The following UNC13C variants were observed in gnomAD, a reference collection of about 807,000 sequenced individuals.
UNC13C encodes the protein protein unc-13 homolog C.
Under a neutral mutation model 245.4 loss-of-function variants are expected in UNC13C, and 174 were observed. The ratio of observed to expected loss-of-function variants is 0.71; its 90% CI spans 0.63 to 0.80. The LOEUF (loss-of-function observed/expected upper bound fraction) is 0.80. Ranked by LOEUF, UNC13C falls within the 30% of genes least tolerant of loss-of-function variation. UNC13C has a pLI of 0.00. For synonymous variants in UNC13C, 992 were observed against 895.1 expected, an observed-to-expected ratio of 1.11 and a Z score of -1.93; for missense variants, 2,829 against 2,602.9, an observed-to-expected ratio of 1.09 and a Z score of -1.89.
chr15:54,211,444 A>G (rs2034874510), intron 4 of UNC13C, among the ~76,000 whole-genome samples: 1 of 151,984 alleles, frequency 6.6e-6, no homozygotes, highest in Non-Finnish European at 1.5e-5. Context: ...TTCAAGTAGG[A>G]AAAAAAAGTC....
intron 2 of UNC13C, among the ~76,000 whole-genome samples, chr15:54,099,958 G>A (rs975678153): frequency 6.6e-6 from 1 of 151,976 alleles, no homozygotes; most frequent in East Asian, 1.9e-4. Context: ...AAATTAGCCA[G>A]GTGTGGTGGT....
At chr15:54,040,067 T>G (rs1896749087) in intron 2 of UNC13C, among the ~76,000 whole-genome samples, 1 of 151,830 alleles carries the variant, frequency 6.6e-6, no homozygotes, top group Middle Eastern at 3.4e-3. Flanking sequence ...CCTCATTACC[T>G]CTCCAAGCTC....
intron 13 of UNC13C, among the ~76,000 whole-genome samples, chr15:54,303,440 C>A (rs2037639932): frequency 6.6e-6 from 1 of 151,956 alleles, no homozygotes; most frequent in African/African-American, 2.4e-5. Context: ...TCTCTGGGAG[C>A]TGATGTTAGA....
At chr15:53,989,640 C>T (rs1418265989) in intron 1 of UNC13C, among the ~76,000 whole-genome samples, 8 of 151,862 alleles carry the variant, frequency 5.3e-5, no homozygotes, top group Admixed American at 2.0e-4. Flanking sequence ...GCAAGTTAAC[C>T]GTAATTTTAA....
chr15:54,430,900 T>C (rs2140974623), intron 19 of UNC13C, among the ~76,000 whole-genome samples: 1 of 151,832 alleles, frequency 6.6e-6, no homozygotes, highest in African/African-American at 2.4e-5. Flanking sequence ...TGAACAAATC[T>C]TGCCTCCTTA....
At position 54,162,298 on chromosome 15, in the gene UNC13C, T is replaced by G. The variant is rs560311853; in HGVS notation, c.3071+18614T>G. Among the ~76,000 whole-genome samples, 5 of 152,318 alleles carry G rather than the reference T, an allele frequency of 3.3e-5. No homozygotes were observed. The East Asian group carries it at 5.8e-4, about 18-fold the overall frequency. ...TGGTCCATTTCCTTGTCTGGTTCAC[T>G]CTACTGCTGGTTACCTGTGATTGCA... On this transcript the variant is annotated intron_variant, in intron 4 of 32. Transcript: ENST00000260323.
chr15:54,420,937 A>T (rs2040628253), intron 19 of UNC13C, among the ~76,000 whole-genome samples: 1 of 152,034 alleles, frequency 6.6e-6, no homozygotes, highest in South Asian at 2.1e-4. Flanking sequence ...TCATTTCAGA[A>T]CAGTGGTTTT....
At chr15:54,531,140 A>G (rs1895719124) in intron 25 of UNC13C, among the ~76,000 whole-genome samples, 1 of 152,162 alleles carries the variant, frequency 6.6e-6, no homozygotes, top group South Asian at 2.1e-4. Context: ...CAGACTTTGA[A>G]GTGGAAAGAT....
At chr15:54,541,581 T>G (rs1282143266) in intron 26 of UNC13C, among the ~76,000 whole-genome samples, 1 of 152,120 alleles carries the variant, frequency 6.6e-6, no homozygotes, top group Non-Finnish European at 1.5e-5. Flanking sequence ...TATGGGACAT[T>G]GGAAGACAGG....
At chr15:54,631,668 G>A (rs1349132775), downstream of UNC13C, 2 of 152,188 alleles carry the variant, frequency 1.3e-5, no homozygotes, top group East Asian at 1.9e-4. Context: ...CTACATTGTG[G>A]CATGTATAAA....
chr15:54,034,815 C>T (rs1225769648), intron 2 of UNC13C, among the ~76,000 whole-genome samples: 3 of 152,258 alleles, frequency 2.0e-5, no homozygotes, highest in Admixed American at 6.5e-5. Context: ...GGTTGCAGTT[C>T]AGTTTAGTTT....
intron 30 of UNC13C, among the ~76,000 whole-genome samples, chr15:54,576,128 C>T (rs1165824557): frequency 6.6e-6 from 1 of 152,214 alleles, no homozygotes; most frequent in Non-Finnish European, 1.5e-5. Flanking sequence ...GTTCCTCCCT[C>T]AAATCCTGCA....
chr15:54,304,099 A>G (rs745855212), intron 13 of UNC13C, among the ~76,000 whole-genome samples: 5 of 152,046 alleles, frequency 3.3e-5, no homozygotes, highest in Non-Finnish European at 7.4e-5. Flanking sequence ...TTGTAGTTGT[A>G]CCAGTCTCTG....
intron 18 of UNC13C, among the ~76,000 whole-genome samples, chr15:54,408,220 A>AAAAAAAAAAC (rs2040345836): frequency 6.7e-6 from 1 of 148,626 alleles, no homozygotes; most frequent in East Asian, 1.9e-4. Context: ...AAAAAAAAAA[A>AAAAAAAAAAC]AAAAAAAAAC....
chr15:54,297,717 T>G, intron 11 of UNC13C, 94 bp from the exon 12 acceptor site: 4 of 895,334 alleles, frequency 4.5e-6, no homozygotes, highest in Non-Finnish European at 5.3e-6. Flanking sequence ...CTTAAGCCGT[T>G]TTTTTGTTTT....
At chr15:54,405,725 T>C (rs16974585) in intron 18 of UNC13C, among the ~76,000 whole-genome samples, 5,206 of 152,208 alleles carry the variant, frequency 0.034, 226 homozygotes, top group African/African-American at 0.11. Context: ...CTCCTTTCAT[T>C]TCCAGTACCG....
chr15:54,261,778 T>C (rs891991775), intron 8 of UNC13C, among the ~76,000 whole-genome samples: 7 of 152,118 alleles, frequency 4.6e-5, no homozygotes, highest in African/African-American at 1.7e-4. Context: ...CTCCTGACCT[T>C]GTGATCTGCT....
At chr15:54,365,713 A>T (rs533551515) in intron 17 of UNC13C, among the ~76,000 whole-genome samples, 1 of 151,840 alleles carries the variant, frequency 6.6e-6, no homozygotes, top group East Asian at 1.9e-4. Context: ...TATATGACAA[A>T]TGTCCTAGGC....
intron 26 of UNC13C, among the ~76,000 whole-genome samples, chr15:54,544,374 C>T (rs1356301659): frequency 2.6e-5 from 4 of 152,148 alleles, no homozygotes; most frequent in African/African-American, 4.8e-5. Flanking sequence ...GCATTCCCTT[C>T]GAAAACCAGC....
Sources: allele counts gnomAD v4.1 joint callset (sites outside exome capture counted in the v4.1 genomes callset), GRCh38; gene constraint gnomAD v4.1.1; transcripts MANE v1.5; gene names NCBI Gene and HGNC (gene_info 2026-07-23, HGNC 2026-07-21).